The following DAB1 variants were observed in gnomAD, a reference collection of about 807,000 sequenced individuals.
DAB1 encodes the protein DAB adaptor protein 1.
In DAB1, 15 loss-of-function variants were observed where a neutral mutation model predicts 64.6. The observed-to-expected ratio is 0.23, with a 90% confidence interval of 0.16 to 0.36. DAB1 has a LOEUF of 0.36. Among genes scored for constraint, DAB1 ranks in the 10% least tolerant of loss-of-function variants. The pLI is 1.00. For synonymous variants in DAB1, 235 were observed against 251.9 expected, an observed-to-expected ratio of 0.93 and a Z score of 0.64; for missense variants, 596 against 706.7, an observed-to-expected ratio of 0.84 and a Z score of 1.78.
At chr1:58,107,555 C>T (rs866019636) in intron 5 of DAB1, among the ~76,000 whole-genome samples, 1 of 151,558 alleles carries the variant, frequency 6.6e-6, no homozygotes, top group Non-Finnish European at 1.5e-5. Flanking sequence ...CAGAAAGAAA[C>T]CTGAAGAGCC....
At chr1:58,089,078 G>A (rs59288458) in intron 5 of DAB1, among the ~76,000 whole-genome samples, 1,644 of 152,334 alleles carry the variant, frequency 0.011, 24 homozygotes, top group African/African-American at 0.036. Context: ...CACCAATGTC[G>A]TTTTTGACTT....
At chr1:57,286,054 A>G (rs555929225) in intron 2 of DAB1, among the ~76,000 whole-genome samples, 1 of 152,344 alleles carries the variant, frequency 6.6e-6, no homozygotes, top group East Asian at 1.9e-4. Flanking sequence ...AATAAAATGA[A>G]AAAAACAACT....
At chr1:57,189,621 C>T (rs931258126) in intron 2 of DAB1, among the ~76,000 whole-genome samples, 3 of 152,100 alleles carry the variant, frequency 2.0e-5, no homozygotes, top group African/African-American at 7.2e-5. Context: ...AGGCAGGTCA[C>T]AATGTCAAGC....
At chr1:57,255,623 C>T (rs1195720140) in intron 2 of DAB1, among the ~76,000 whole-genome samples, 4 of 152,140 alleles carry the variant, frequency 2.6e-5, no homozygotes, top group Non-Finnish European at 5.9e-5. Flanking sequence ...CACACCACTG[C>T]ACTCCAGCCT....
At chr1:57,869,073 A>G (rs1198215772) in intron 1 of DAB1, among the ~76,000 whole-genome samples, 1 of 152,068 alleles carries the variant, frequency 6.6e-6, no homozygotes, top group Non-Finnish European at 1.5e-5. Flanking sequence ...CCAACTCTTT[A>G]TGGGCAAGGT....
intron 6 of DAB1, among the ~76,000 whole-genome samples, chr1:57,722,760 G>A (rs1570768615): frequency 6.6e-6 from 1 of 152,188 alleles, no homozygotes; most frequent in South Asian, 2.1e-4. Context: ...AGGAGAAAGG[G>A]GAGAACAATG....
intron 5 of DAB1, among the ~76,000 whole-genome samples, chr1:58,133,513 G>A: frequency 6.6e-6 from 1 of 152,162 alleles, no homozygotes; most frequent in East Asian, 1.9e-4. Flanking sequence ...TAAGCTCCTT[G>A]GAGATGGGGA....
chr1:58,067,432 TCTC>T (rs1358879960), intron 5 of DAB1, among the ~76,000 whole-genome samples: 2 of 152,312 alleles, frequency 1.3e-5, no homozygotes, highest in East Asian at 3.9e-4. Flanking sequence ...AACAATGAGA[TCTC>T]CTTACATAGT....
intron 5 of DAB1, 26 bp downstream of exon 5, chr1:57,072,257 C>T: frequency 1.2e-6 from 2 of 1,611,480 alleles, no homozygotes; most frequent in Non-Finnish European, 1.7e-6. Context: ...CAAGGAAAGA[C>T]TCCCTTCTTG....
chr1:57,342,820 T>A (rs1438360414), intron 1 of DAB1, among the ~76,000 whole-genome samples: 2 of 150,050 alleles, frequency 1.3e-5, no homozygotes, highest in Non-Finnish European at 3.0e-5. Flanking sequence ...TCTGGAGTTG[T>A]TGGTTCCTCG....
chr1:58,441,260 C>T (rs1408199565), intron 3 of DAB1, among the ~76,000 whole-genome samples: 1 of 152,144 alleles, frequency 6.6e-6, no homozygotes, highest in Admixed American at 6.5e-5. Context: ...CTCTAAATCC[C>T]AGAGGTTAAG....
chr1:58,510,731 C>T (rs1646061778), intron 2 of DAB1, among the ~76,000 whole-genome samples: 1 of 151,620 alleles, frequency 6.6e-6, no homozygotes, highest in Non-Finnish European at 1.5e-5. Context: ...AGACTCCACA[C>T]ACACAAAAAA....
chr1:58,347,096 T>A (rs1012546117), intron 3 of DAB1, among the ~76,000 whole-genome samples: 5 of 151,652 alleles, frequency 3.3e-5, no homozygotes, highest in African/African-American at 9.7e-5. Context: ...TTTGTTTTGT[T>A]TTGTTTTGTT....
chr1:58,278,011 T>C (rs1387184893), intron 4 of DAB1, among the ~76,000 whole-genome samples: 2 of 152,232 alleles, frequency 1.3e-5, no homozygotes, highest in Non-Finnish European at 2.9e-5. Context: ...TTATGCTCTT[T>C]ACCCAGTTTT....
At chr1:57,415,605 T>A (rs1017759441) in intron 1 of DAB1, among the ~76,000 whole-genome samples, 2 of 152,224 alleles carry the variant, frequency 1.3e-5, no homozygotes, top group African/African-American at 4.8e-5. Flanking sequence ...TAGCTCAGAT[T>A]CAGCATATGG....
chr1:57,546,503 T>A (rs1217653019), intron 7 of DAB1, among the ~76,000 whole-genome samples: 1 of 152,200 alleles, frequency 6.6e-6, no homozygotes, highest in Non-Finnish European at 1.5e-5. Flanking sequence ...AAGCACTTAC[T>A]TTTTGAGCCT....
chr1:57,445,839 G>T (rs1686117761), intron 7 of DAB1, among the ~76,000 whole-genome samples: 1 of 152,098 alleles, frequency 6.6e-6, no homozygotes, highest in African/African-American at 2.4e-5. Flanking sequence ...CTGACTTAGG[G>T]ATAACTCCAC....
intron 9 of DAB1, among the ~76,000 whole-genome samples, chr1:57,026,398 T>G (rs1646789890): frequency 6.6e-6 from 1 of 152,104 alleles, no homozygotes; most frequent in Admixed American, 6.5e-5. Flanking sequence ...CCATCATTGG[T>G]TTTTCTCTCA....
intron 4 of DAB1, among the ~76,000 whole-genome samples, chr1:58,228,081 T>C (rs1045155374): frequency 3.9e-5 from 6 of 152,158 alleles, no homozygotes; most frequent in African/African-American, 1.4e-4. Flanking sequence ...GAGTCAGTGA[T>C]AGCTCAGAGC....
Sources: allele counts gnomAD v4.1 joint callset (sites outside exome capture counted in the v4.1 genomes callset), GRCh38; gene constraint gnomAD v4.1.1; transcripts MANE v1.5; gene names NCBI Gene and HGNC (gene_info 2026-07-23, HGNC 2026-07-21).